The following WDR1 variants were observed in gnomAD, a reference collection of about 807,000 sequenced individuals.
WDR1 encodes WD repeat domain 1.
WDR1 carries 21 observed loss-of-function variants against 71.9 expected under a neutral mutation model. That is an observed-to-expected ratio of 0.29 (90% CI 0.21 to 0.42). The LOEUF is 0.42. Ranked by LOEUF, WDR1 falls within the 10% of genes least tolerant of loss-of-function variation. WDR1 has a pLI of 1.00. For synonymous variants in WDR1, 424 were observed against 347.4 expected, an observed-to-expected ratio of 1.22 and a Z score of -2.45; for missense variants, 696 against 824.5, an observed-to-expected ratio of 0.84 and a Z score of 1.91.
At chr4:10,089,474 A>G (rs3775930) in intron 5 of WDR1, among the ~76,000 whole-genome samples, 45,521 of 151,436 alleles carry the variant, frequency 0.3, 7,219 homozygotes, top group East Asian at 0.54. Context: ...AGCGACTAAA[A>G]GGAAATGACA....
rs751892881 is a variant in WDR1, at chr4:10,077,387, T to C, written c.1631A>G (p.Asn544Ser). The C allele has an allele frequency of 1.8e-5, 29 of 1,613,900 alleles. No individual in the cohort carries two copies. Among genetic ancestry groups the C allele is most frequent in the Middle Eastern group, 1.6e-4 (1 of 6,080 alleles). Residue 544 changes from asparagine to serine, a missense_variant, in exon 14 of 15, where the codon AAT becomes AGT. Asn to Ser is a conservative substitution (Grantham distance 46, BLOSUM62 1). Coordinates refer to ENST00000499869, the MANE Select transcript of WDR1 (RefSeq NM_017491.5). ...CATGCCACCGGAGGCAAAGTGTTCATTGTCTGGGGACCAGGCCAGGCAGAC... is the reference window on the plus strand; with the variant it reads ...CATGCCACCGGAGGCAAAGTGTTCACTGTCTGGGGACCAGGCCAGGCAGAC... ...KIVCLAWSPD[N>S]EHFASGGMDM...
At chr4:10,087,021 C>CCA (rs1396724146) in intron 8 of WDR1, among the ~76,000 whole-genome samples, 1 of 152,174 alleles carries the variant, frequency 6.6e-6, no homozygotes, top group East Asian at 1.9e-4. Context: ...AGGACCCCCC[C>CCA]AGCCAATGGA....
intron 5 of WDR1, chr4:10,096,146 G>A (rs941965281): frequency 6.6e-6 from 1 of 152,312 alleles, no homozygotes; most frequent in East Asian, 1.9e-4. Flanking sequence ...TGGTGCCCCT[G>A]ACCCTGCTGA....
Position 10,116,212 on chromosome 4 carries a change from C to T in WDR1, c.39G>A (p.Pro13=). The change falls in exon 2 of 15, where the codon CCG becomes CCA. Residue 13 remains proline (P), a synonymous_variant. Coordinates refer to ENST00000499869, the MANE Select transcript of WDR1 (RefSeq NM_017491.5). ...TCTTGGAGACGCCCCTCTCCACCTG[C>T]GGGAGGCTGGCGAACACCTTCTCTG... ...YEIKKVFASL[P]QVERGVSKII... The T allele has an allele frequency of 6.2e-7, 1 of 1,613,636 alleles. No individual in the cohort carries two copies. Among genetic ancestry groups the T allele is most frequent in the Non-Finnish European group, 8.5e-7 (1 of 1,179,816 alleles).
chr4:10,087,757 T>C lies in WDR1; in HGVS notation c.901A>G (p.Ile301Val). ...GGGTTGTTTCTGTCCAGATAGTTGA[T>C]GTACCCGGACAGGGAGACACTGAGC... The part of the protein sequence containing the change: ...HLLSVSLSGY[I>V]NYLDRNNPSK... The change falls in exon 8 of 15, where the codon ATC (isoleucine) becomes GTC (valine). Residue 301 changes from isoleucine (I) to valine (V), a missense_variant. Coordinates refer to ENST00000499869, the MANE Select transcript of WDR1 (RefSeq NM_017491.5). The C allele has an allele frequency of 8.7e-6, 14 of 1,603,132 alleles. No homozygotes were observed. The highest frequency in any genetic ancestry group is 1.1e-5 in the South Asian group (1 of 88,996).
At chr4:10,101,355 C>T (rs767052863) in intron 3 of WDR1, among the ~76,000 whole-genome samples, 17 of 152,268 alleles carry the variant, frequency 1.1e-4, no homozygotes, top group Non-Finnish European at 2.1e-4. Context: ...AGGCAACCCA[C>T]TTAGTGGGCC....
chr4:10,097,876 G>T lies in WDR1; in HGVS notation c.393C>A (p.Phe131Leu). The T allele has an allele frequency of 6.3e-7, 1 of 1,588,616 alleles. No homozygotes were observed. Residue 131 changes from phenylalanine to leucine, a missense_variant, in exon 5 of 15, where the codon TTC becomes TTA. Coordinates refer to ENST00000499869, the MANE Select transcript of WDR1 (RefSeq NM_017491.5). ...CCACAGAAGAGCCACTATCCCAGAG[G>T]AAGACTGCTCCAAACCTTGACCCAA... ...GEGREKFGAVFLWDSGSSVGE... is the reference protein window; with the variant it reads ...GEGREKFGAVLLWDSGSSVGE...
At position 10,116,619 on chromosome 4, in the gene WDR1, G is replaced by C. The variant is rs866536606; in HGVS notation, c.16+32C>G. On this transcript the variant is annotated intron_variant, in intron 1 of 14. Coordinates refer to ENST00000499869, the MANE Select transcript of WDR1 (RefSeq NM_017491.5). ...GGACCGGGGCCGGGGCAGCGCGGCG[G>C]CCGCTCGGGGGCCCCGCGCCGCGGC... The C allele has an allele frequency of 8.7e-5, 106 of 1,214,134 alleles. 1 individual carries two copies. In the Middle Eastern group the frequency reaches 1.9e-3, roughly 21 times the overall value. 75.2% of individuals were successfully genotyped at this position (1,214,134 alleles called of 1,614,324 possible).
At position 10,116,540 on chromosome 4, in the gene WDR1, C is replaced by A; in HGVS notation, c.16+111G>T. The A allele has an allele frequency of 5.7e-6, 5 of 880,638 alleles. No individual in the cohort carries two copies. In the South Asian group the frequency reaches 2.1e-4, roughly 37 times the overall value. 54.6% of individuals were successfully genotyped at this position (880,638 alleles called of 1,614,324 possible). On this transcript the variant is annotated intron_variant, in intron 1 of 14. Coordinates refer to ENST00000499869, the MANE Select transcript of WDR1 (RefSeq NM_017491.5). ...GCCACGCCTCCGGCCGGCGCCCGCA[C>A]CCCTCCCCCGCGCCGAGGACTCCCC...
intron 2 of WDR1, among the ~76,000 whole-genome samples, chr4:10,115,121 C>T (rs1327412924): frequency 2.6e-5 from 4 of 152,210 alleles, no homozygotes; most frequent in Admixed American, 2.6e-4. Flanking sequence ...TCAATCAAAA[C>T]ATACATCTTT....
At chr4:10,078,230 T>C (rs1033822475) in intron 12 of WDR1, among the ~76,000 whole-genome samples, 8 of 152,132 alleles carry the variant, frequency 5.3e-5, no homozygotes, top group Non-Finnish European at 8.8e-5. Flanking sequence ...TGGCAGCACA[T>C]AGACCCACCC....
intron 9 of WDR1, among the ~76,000 whole-genome samples, chr4:10,084,179 C>T (rs1015005211): frequency 2.0e-5 from 3 of 152,194 alleles, no homozygotes; most frequent in Admixed American, 6.5e-5. Flanking sequence ...CAGGGTTGCA[C>T]GACAAGAAGG....
At chr4:10,103,307 C>G (rs1027096824) in intron 3 of WDR1, among the ~76,000 whole-genome samples, 1 of 150,186 alleles carries the variant, frequency 6.7e-6, no homozygotes, top group Admixed American at 6.6e-5. Context: ...CACACACACA[C>G]ACACACACAC....
At position 10,083,568 on chromosome 4, in the gene WDR1, T is replaced by C. The variant is rs575390717; in HGVS notation, c.1040-390A>G. The C allele has an allele frequency of 7.7e-4, 367 of 475,214 alleles. 4 individuals are homozygous for C. Among genetic ancestry groups the C allele is most frequent in the South Asian group, 5.5e-3 (361 of 65,202 alleles). The allele number at this position is 475,214 out of a possible 1,614,324, so 29.4% of individuals were successfully genotyped here. On this transcript the variant is annotated intron_variant, in intron 9 of 14. Transcript: ENST00000499869. ...CCTCTCCCAGCCTGGGGGGACCTCC[T>C]TGGGTCCCGGACAGTCCCTTTGGGA...
intron 3 of WDR1, among the ~76,000 whole-genome samples, chr4:10,102,146 G>A (rs1017768619): frequency 3.3e-5 from 5 of 152,134 alleles, no homozygotes; most frequent in South Asian, 4.1e-4. Context: ...GACAGGTAAC[G>A]GGTCACCCAG....
At chr4:10,103,831 G>T in intron 3 of WDR1, 65 bp downstream of exon 3, 1 of 1,032,380 alleles carries the variant, frequency 9.7e-7, no homozygotes. Flanking sequence ...GCCCAGCTTC[G>T]CCCTGGGCCC....
intron 2 of WDR1, among the ~76,000 whole-genome samples, chr4:10,107,145 G>T (rs1222858020): frequency 6.6e-6 from 1 of 152,146 alleles, no homozygotes. Context: ...CTCCCTGGGG[G>T]CCTGGGGGAG....
chr4:10,113,139 A>T (rs919775095), intron 2 of WDR1, among the ~76,000 whole-genome samples: 1 of 152,192 alleles, frequency 6.6e-6, no homozygotes, highest in African/African-American at 2.4e-5. Flanking sequence ...CGAGCAGATC[A>T]CTTGAGGTTG....
intron 5 of WDR1, 101 bp from the exon 6 acceptor site, chr4:10,088,842 C>T: frequency 1.1e-6 from 1 of 914,334 alleles, no homozygotes; most frequent in East Asian, 2.6e-5. Flanking sequence ...AGCTGTTCAT[C>T]AGTGTGAACT....
Sources: allele counts gnomAD v4.1 joint callset (sites outside exome capture counted in the v4.1 genomes callset), GRCh38; gene constraint gnomAD v4.1.1; transcripts MANE v1.5; gene names NCBI Gene and HGNC (gene_info 2026-07-23, HGNC 2026-07-21).